The following C2CD3 variants were observed in gnomAD, a reference collection of about 807,000 sequenced individuals.
The protein encoded by C2CD3 is C2 domain-containing protein 3.
C2CD3 carries 148 observed loss-of-function variants against 234.0 expected under a neutral mutation model. The ratio of observed to expected loss-of-function variants is 0.63; its 90% CI spans 0.55 to 0.72. The LOEUF is 0.72. C2CD3 is among the 30% of genes least tolerant of loss of function. C2CD3 has a pLI of 0.00. For missense variants in C2CD3, 2,577 were observed against 2,811.5 expected (o/e 0.92, Z 1.89); for synonymous variants, 1,000 against 1,035.4 (o/e 0.97, Z 0.66).
intron 5 of C2CD3, among the ~76,000 whole-genome samples, chr11:74,138,274 GGATTAA>G (rs1957932058): frequency 6.6e-6 from 1 of 152,102 alleles, no homozygotes; most frequent in South Asian, 2.1e-4. Flanking sequence ...TTAATTCCCA[GGATTAA>G]GATCAGCAGC....
chr11:74,039,572 G>A (rs888452199), intron 29 of C2CD3, among the ~76,000 whole-genome samples: 1 of 152,160 alleles, frequency 6.6e-6, no homozygotes, highest in East Asian at 1.9e-4. Context: ...AGCCCTTCAT[G>A]GGATTCTGAT....
At chr11:74,089,188 G>A (rs955039252) in intron 20 of C2CD3, among the ~76,000 whole-genome samples, 27 of 152,100 alleles carry the variant, frequency 1.8e-4, no homozygotes, top group Non-Finnish European at 3.4e-4. Context: ...GTAAGGAAGT[G>A]GTATGATTAT....
rs372360428 is a variant in C2CD3, at chr11:74,078,608, C to T, written c.4110G>A (p.Thr1370=). The change falls in exon 23 of 33, where the codon ACG becomes ACA. Residue 1370 remains threonine (T), a synonymous_variant. Transcript: ENST00000334126. The part of the protein sequence containing the change: ...VGGLELSISF[T]HRGDRERVLE... ...ACACCCGTTCTCTATCTCCACGATG[C>T]GTGAAGGAAATCGAAAGCTCCAGAC... The T allele has an allele frequency of 6.2e-6, 10 of 1,614,016 alleles. No homozygotes were observed. The highest frequency in any genetic ancestry group is 2.7e-5 in the African/African-American group (2 of 74,916).
Position 74,078,206 on chromosome 11 carries a change from C to T in C2CD3, c.4512G>A (p.Glu1504=). 1 of 1,614,128 alleles carries T rather than the reference C, an allele frequency of 6.2e-7. No individual in the cohort carries two copies. Among genetic ancestry groups the T allele is most frequent in the East Asian group, 2.2e-5 (1 of 44,870 alleles). ...VWRAYGNDSV[E]RPHQTDSWIG... is the part of the protein sequence containing the mutation. ...TCCAGCTGTCTGTCTGATGGGGTCT[C>T]TCCACACTGTCATTGCCATAAGCTC... Residue 1504 remains glutamate (E), a synonymous_variant, in exon 23 of 33, where the codon GAG becomes GAA. Coordinates refer to ENST00000334126, the MANE Select transcript of C2CD3 (RefSeq NM_001286577.2).
chr11:74,136,865 G>C (rs568935408), intron 5 of C2CD3, among the ~76,000 whole-genome samples: 1 of 151,804 alleles, frequency 6.6e-6, no homozygotes, highest in Admixed American at 6.6e-5. Context: ...AGGTTGATGG[G>C]TGCAGCAAAC....
intron 3 of C2CD3, among the ~76,000 whole-genome samples, chr11:74,148,205 T>C (rs1024244337): frequency 5.3e-5 from 8 of 152,078 alleles, no homozygotes; most frequent in African/African-American, 1.9e-4. Flanking sequence ...AATTAAAGGG[T>C]TTAAAAATGA....
intron 24 of C2CD3, among the ~76,000 whole-genome samples, chr11:74,061,484 A>G (rs1954243888): frequency 6.6e-6 from 1 of 152,232 alleles, no homozygotes. Context: ...ACATTCTCAA[A>G]GAAAAGAATT....
At chr11:74,160,198 G>A (rs931524572) in intron 3 of C2CD3, among the ~76,000 whole-genome samples, 2 of 151,994 alleles carry the variant, frequency 1.3e-5, no homozygotes, top group African/African-American at 4.8e-5. Context: ...AATTGCCTGA[G>A]GACACATTTC....
intron 7 of C2CD3, among the ~76,000 whole-genome samples, chr11:74,131,047 C>G (rs1226781808): frequency 6.6e-6 from 1 of 151,888 alleles, no homozygotes; most frequent in Non-Finnish European, 1.5e-5. Context: ...CACTGTTGCT[C>G]AAGGGATTCT....
At chr11:74,137,518 G>T (rs1255812578) in intron 5 of C2CD3, among the ~76,000 whole-genome samples, 1 of 146,090 alleles carries the variant, frequency 6.8e-6, no homozygotes, top group Non-Finnish European at 1.5e-5. Flanking sequence ...GAAATTAATA[G>T]TTTATAATCT....
intron 11 of C2CD3, among the ~76,000 whole-genome samples, chr11:74,111,306 C>A (rs1391136606): frequency 6.6e-6 from 1 of 152,112 alleles, no homozygotes; most frequent in Non-Finnish European, 1.5e-5. Flanking sequence ...ACTCAAAATC[C>A]AAAATGCTCC....
At chr11:74,041,537 C>A (rs1272144463) in intron 29 of C2CD3, among the ~76,000 whole-genome samples, 1 of 152,136 alleles carries the variant, frequency 6.6e-6, no homozygotes, top group Non-Finnish European at 1.5e-5. Context: ...CTGAGATGGG[C>A]AGAGCAAGGA....
intron 25 of C2CD3, among the ~76,000 whole-genome samples, chr11:74,056,361 C>A (rs993001061): frequency 3.3e-5 from 5 of 152,374 alleles, no homozygotes; most frequent in Admixed American, 6.5e-5. Flanking sequence ...AGCCCCCTCA[C>A]ATTTAATTAG....
rs1433475743 is a variant in C2CD3 at position 74,139,697 on chromosome 11, C to G, written c.615G>C (p.Gln205His). 1.2e-6 allele frequency: 2 copies of G among 1,613,652 alleles called. No homozygotes were observed. ...CGCGAGGCCTTGATGGAACCTGAAA[C>G]TGGGTACTGCTGGGTTCAGTATTCT... ...FRENTEPSST[Q>H]FQVPSRPRDI... Residue 205 changes from glutamine to histidine, a missense_variant, in exon 4 of 33, where the codon CAG becomes CAC. Coordinates refer to ENST00000334126, the MANE Select transcript of C2CD3 (RefSeq NM_001286577.2).
chr11:74,057,218 TA>T (rs1008661421), intron 25 of C2CD3, among the ~76,000 whole-genome samples, 187 bp downstream of exon 25: 2 of 152,194 alleles, frequency 1.3e-5, no homozygotes, highest in African/African-American at 4.8e-5. Context: ...TTAAAAACAC[TA>T]AAACAAAACC....
chr11:74,093,800 G>A lies in C2CD3; in HGVS notation c.3344+16C>T. On this transcript the variant is annotated intron_variant, in intron 18 of 32. Transcript: ENST00000334126. ...ACTTCCTTCCTAGGCATAGGACTGG[G>A]GTCTCCACACTGTACCTGCACCAGA... is the stretch of plus-strand genomic sequence containing the variant. 1 of 1,608,602 alleles carries A rather than the reference G, an allele frequency of 6.2e-7. No homozygotes were observed. The highest frequency in any genetic ancestry group is 1.1e-5 in the South Asian group (1 of 90,842).
At chr11:74,097,820 T>A (rs749614242) in intron 16 of C2CD3, among the ~76,000 whole-genome samples, 189 bp downstream of exon 16, 1 of 152,236 alleles carries the variant, frequency 6.6e-6, no homozygotes, top group Non-Finnish European at 1.5e-5. Context: ...AAGAGGGACA[T>A]AGAGATCCAT....
Position 74,084,982 on chromosome 11 carries a change from A to G in C2CD3, c.3911-12T>C. On this transcript the variant is annotated splice_polypyrimidine_tract_variant and intron_variant, in intron 21 of 32. Coordinates refer to ENST00000334126, the MANE Select transcript of C2CD3 (RefSeq NM_001286577.2). Reference sequence around the variant, plus strand: ...GATTATATCACTTGCTGTTAAATCAAGCAAAAAAGAAAAATTATTTGATGG... The same window carrying G: ...GATTATATCACTTGCTGTTAAATCAGGCAAAAAAGAAAAATTATTTGATGG... 3.9e-6 allele frequency: 6 copies of G among 1,520,652 alleles called. No individual in the cohort carries two copies. The highest frequency in any genetic ancestry group is 2.3e-5 in the South Asian group (2 of 88,878). 94.2% of individuals were successfully genotyped at this position (1,520,652 alleles called of 1,614,324 possible).
intron 26 of C2CD3, among the ~76,000 whole-genome samples, chr11:74,054,164 T>TG (rs1321812596): frequency 6.7e-6 from 1 of 148,450 alleles, no homozygotes; most frequent in African/African-American, 2.5e-5. Flanking sequence ...CCCAGCTCCT[T>TG]GGGGGGCTGA....
Sources: allele counts gnomAD v4.1 joint callset (sites outside exome capture counted in the v4.1 genomes callset), GRCh38; gene constraint gnomAD v4.1.1; transcripts MANE v1.5; gene names NCBI Gene and HGNC (gene_info 2026-07-23, HGNC 2026-07-21).